The following KHDRBS2 variants were observed in gnomAD, a reference collection of about 807,000 sequenced individuals.
The protein encoded by KHDRBS2 is KH domain-containing, RNA-binding, signal transduction-associated protein 2.
A neutral mutation model predicts 44.3 loss-of-function variants in KHDRBS2; 26 were observed. The observed-to-expected ratio is 0.59, with a 90% CI of 0.43 to 0.81. The LOEUF is 0.81. Ranked by LOEUF, KHDRBS2 falls within the 40% of genes least tolerant of loss-of-function variation. The pLI is 0.00. For synonymous variants in KHDRBS2, 194 were observed against 151.1 expected (o/e 1.28, Z -2.08); for missense variants, 476 against 433.1 (o/e 1.10, Z -0.88).
At chr6:62,053,494 G>A (rs1221939141) in intron 2 of KHDRBS2, among the ~76,000 whole-genome samples, 1 of 151,798 alleles carries the variant, frequency 6.6e-6, no homozygotes, top group Non-Finnish European at 1.5e-5. Flanking sequence ...ACCTCTAATT[G>A]TAATTTACCC....
rs1265295426 is a variant in KHDRBS2 at position 61,837,730 on chromosome 6, TTATGTACAGCAA to T, written c.810+56893_810+56904del. ...TAACAGCATACAGCAGACTACTGCC[TTATGTACAGCAA>T]TATTCATTCCAACCAACTTCTGTGA... On this transcript the variant is annotated intron_variant, in intron 6 of 8. Transcript: ENST00000281156. Among the ~76,000 whole-genome samples, 3 of 152,114 alleles carry T rather than the reference TTATGTACAGCAA, an allele frequency of 2.0e-5. No homozygotes were observed. The East Asian group carries it at 5.8e-4, about 29-fold the overall frequency.
At chr6:61,641,511 A>G in the KHDRBS2 span, among the ~76,000 whole-genome samples, 1 of 152,138 alleles carries the variant, frequency 6.6e-6, no homozygotes, top group Non-Finnish European at 1.5e-5. Context: ...TTTCCACTCA[A>G]GGTATCCTCC....
chr6:61,769,756 G>C (rs1445001535), intron 6 of KHDRBS2, among the ~76,000 whole-genome samples: 2 of 152,212 alleles, frequency 1.3e-5, no homozygotes, highest in African/African-American at 2.4e-5. Flanking sequence ...TCCACCTCTG[G>C]GGGCAGGGCA....
At chr6:61,658,488 A>G in the KHDRBS2 span, among the ~76,000 whole-genome samples, 1 of 152,006 alleles carries the variant, frequency 6.6e-6, no homozygotes, top group African/African-American at 2.4e-5. Flanking sequence ...GCCAAAATTA[A>G]TTTTTAAAAT....
At chr6:61,961,417 A>T (rs1420088140) in intron 4 of KHDRBS2, among the ~76,000 whole-genome samples, 1 of 150,290 alleles carries the variant, frequency 6.7e-6, no homozygotes, top group Non-Finnish European at 1.5e-5. Context: ...AAGAGAAAGA[A>T]GGAAGAGAGA....
chr6:62,124,634 T>A (rs1808514545), intron 2 of KHDRBS2, among the ~76,000 whole-genome samples: 2 of 142,390 alleles, frequency 1.4e-5, no homozygotes, highest in Admixed American at 7.0e-5. Flanking sequence ...CTTTATCCAA[T>A]CATCTGTTGA....
intron 6 of KHDRBS2, among the ~76,000 whole-genome samples, chr6:61,786,984 G>C (rs1337473301): frequency 6.7e-6 from 1 of 149,682 alleles, no homozygotes; most frequent in African/African-American, 2.4e-5. Context: ...AAATATCTTT[G>C]TATATTTTAT....
At chr6:62,083,558 G>A (rs547024938) in intron 2 of KHDRBS2, among the ~76,000 whole-genome samples, 5 of 152,016 alleles carry the variant, frequency 3.3e-5, no homozygotes, top group Non-Finnish European at 7.4e-5. Context: ...TGCCCTCTGG[G>A]GTCCAGGGGT....
chr6:61,695,335 T>G (rs756160790), intron 8 of KHDRBS2, among the ~76,000 whole-genome samples: 7 of 152,178 alleles, frequency 4.6e-5, no homozygotes, highest in Non-Finnish European at 1.0e-4. Context: ...ATGCTCTCAG[T>G]CTTAGTTTCT....
intron 6 of KHDRBS2, among the ~76,000 whole-genome samples, chr6:61,789,067 G>A (rs1247119214): frequency 2.6e-5 from 4 of 151,154 alleles, no homozygotes; most frequent in Non-Finnish European, 4.4e-5. Context: ...CAAAATCGTC[G>A]TAAGAAAACG....
the KHDRBS2 span, among the ~76,000 whole-genome samples, chr6:61,593,140 T>G: frequency 0.016 from 2,417 of 152,268 alleles, 171 homozygotes; most frequent in Admixed American, 0.12. Flanking sequence ...TGTTCTTAGG[T>G]TGTAATTTCA....
chr6:61,772,086 G>A (rs1437784770), intron 6 of KHDRBS2, among the ~76,000 whole-genome samples: 1 of 152,172 alleles, frequency 6.6e-6, no homozygotes, highest in Non-Finnish European at 1.5e-5. Context: ...GGTAAATAAT[G>A]AAATGAAGGC....
chr6:61,909,896 C>T (rs565481774), intron 4 of KHDRBS2, among the ~76,000 whole-genome samples: 119 of 152,268 alleles, frequency 7.8e-4, no homozygotes, highest in African/African-American at 2.6e-3. Context: ...ATACAATGGA[C>T]GCTGGTGCTG....
chr6:62,111,009 AAAGT>A (rs1804876851), intron 2 of KHDRBS2, among the ~76,000 whole-genome samples: 1 of 152,128 alleles, frequency 6.6e-6, no homozygotes, highest in Non-Finnish European at 1.5e-5. Context: ...TTAAATATAT[AAAGT>A]AAGTATTTTT....
At chr6:61,756,426 A>C (rs2127570852) in intron 6 of KHDRBS2, among the ~76,000 whole-genome samples, 1 of 152,028 alleles carries the variant, frequency 6.6e-6, no homozygotes, top group Middle Eastern at 3.4e-3. Context: ...CACTTGGGTA[A>C]GTTTTGTGTG....
At chr6:61,956,885 C>G (rs1583779863) in intron 4 of KHDRBS2, among the ~76,000 whole-genome samples, 1 of 145,138 alleles carries the variant, frequency 6.9e-6, no homozygotes, top group East Asian at 2.1e-4. Flanking sequence ...GCATAGCAAA[C>G]ATTCCATAGT....
the KHDRBS2 span, among the ~76,000 whole-genome samples, chr6:61,662,823 A>G: frequency 3.3e-5 from 5 of 151,818 alleles, no homozygotes; most frequent in Non-Finnish European, 5.9e-5. Context: ...TAGTTCAACC[A>G]TTGTGGAAGT....
At chr6:61,932,468 A>G (rs1486573704) in intron 4 of KHDRBS2, among the ~76,000 whole-genome samples, 1 of 152,032 alleles carries the variant, frequency 6.6e-6, no homozygotes, top group African/African-American at 2.4e-5. Context: ...TCTACTCTCT[A>G]TTTCCGTGAG....
intron 8 of KHDRBS2, among the ~76,000 whole-genome samples, chr6:61,689,223 G>A (rs1406715853): frequency 1.4e-4 from 22 of 151,918 alleles, no homozygotes; most frequent in Admixed American, 1.4e-3. Flanking sequence ...CTCTCAGACT[G>A]TGCTCTTGTC....
Sources: gnomAD v4.1 joint callset for allele counts (sites outside exome capture counted in the v4.1 genomes callset) on GRCh38, gnomAD v4.1.1 for gene constraint, MANE v1.5 for transcripts, NCBI Gene and HGNC (gene_info 2026-07-23, HGNC 2026-07-21) for gene names.